The following FBXO34 variants were observed in gnomAD, a reference collection of about 807,000 sequenced individuals.
The protein encoded by FBXO34 is F-box protein 34.
Under a neutral mutation model 24.5 loss-of-function variants are expected in FBXO34, and 12 were observed. The observed-to-expected ratio is 0.49, with a 90% CI of 0.31 to 0.79. The LOEUF is 0.79. FBXO34 is among the 30% of genes least tolerant of loss of function. The probability of loss-of-function intolerance (pLI) is 0.04; values close to 1 mark genes in which losing one functional copy is unlikely to be tolerated. For missense variants in FBXO34, 823 were observed against 857.7 expected (o/e 0.96, Z 0.51); for synonymous variants, 320 against 311.9 (o/e 1.03, Z -0.27).
the FBXO34 span, among the ~76,000 whole-genome samples, chr14:55,376,043 C>G: frequency 0.3 from 45,122 of 152,048 alleles, 7,066 homozygotes; most frequent in Non-Finnish European, 0.34. Context: ...GTTTTTTCTT[C>G]TTTAATCTGT....
the FBXO34 span, chr14:55,411,791 G>T: frequency 6.2e-7 from 1 of 1,600,742 alleles, no homozygotes; most frequent in East Asian, 2.3e-5. Flanking sequence ...AGCCTCCAGC[G>T]CCCGGGCTCC....
chr14:55,273,382 T>G (rs1164728076), intron 1 of FBXO34, among the ~76,000 whole-genome samples: 1 of 152,232 alleles, frequency 6.6e-6, no homozygotes. Flanking sequence ...CTGTACATGT[T>G]ATTTTGATCC....
chr14:55,438,513 C>A, the FBXO34 span, among the ~76,000 whole-genome samples: 8 of 151,376 alleles, frequency 5.3e-5, no homozygotes, highest in Non-Finnish European at 1.0e-4. Flanking sequence ...GGGTCTCCTC[C>A]CGCAATTTAC....
chr14:55,322,501 CA>C (rs1213171613), intron 1 of FBXO34, among the ~76,000 whole-genome samples: 1 of 152,022 alleles, frequency 6.6e-6, no homozygotes, highest in Non-Finnish European at 1.5e-5. Context: ...TTTTAAAAAA[CA>C]ATTTATATAT....
chr14:55,272,118 GTCCGT>G (rs1373355442), intron 1 of FBXO34: 1 of 152,244 alleles, frequency 6.6e-6, no homozygotes, highest in Admixed American at 6.5e-5. Flanking sequence ...AGGGCTGTGG[GTCCGT>G]GTGTCTGTGA....
downstream of FBXO34, among the ~76,000 whole-genome samples, chr14:55,366,205 ATTG>A (rs1357527258): frequency 6.6e-6 from 1 of 152,184 alleles, no homozygotes; most frequent in East Asian, 1.9e-4. Context: ...GGGAAAGATC[ATTG>A]TTAATACCAC....
the FBXO34 span, among the ~76,000 whole-genome samples, chr14:55,379,468 G>A: frequency 6.6e-6 from 1 of 152,034 alleles, no homozygotes; most frequent in African/African-American, 2.4e-5. Context: ...CTTGGGCCTG[G>A]GGAGGGACGG....
At chr14:55,376,886 A>G in the FBXO34 span, among the ~76,000 whole-genome samples, 1 of 152,244 alleles carries the variant, frequency 6.6e-6, no homozygotes, top group African/African-American at 2.4e-5. Flanking sequence ...AGGCTCGTAC[A>G]GTACATGCTT....
the FBXO34 span, among the ~76,000 whole-genome samples, chr14:55,384,840 T>C: frequency 6.6e-6 from 1 of 152,220 alleles, no homozygotes; most frequent in Non-Finnish European, 1.5e-5. Context: ...CCTTCGGTAG[T>C]AGTTTCCAAA....
the FBXO34 span, chr14:55,435,945 AAGTC>A: frequency 6.5e-7 from 1 of 1,529,356 alleles, no homozygotes; most frequent in Non-Finnish European, 8.8e-7. Context: ...CTGAAGAAAT[AAGTC>A]AGTTTAGAAA....
chr14:55,420,490 G>T, the FBXO34 span, among the ~76,000 whole-genome samples: 1 of 151,962 alleles, frequency 6.6e-6, no homozygotes, highest in African/African-American at 2.4e-5. Flanking sequence ...AGTATAGCAT[G>T]AACAGGTAAA....
downstream of FBXO34, chr14:55,369,587 A>G: frequency 6.8e-7 from 1 of 1,460,912 alleles, no homozygotes; most frequent in Non-Finnish European, 9.1e-7. Context: ...AACTTTCTTG[A>G]TGCAGATTTG....
the FBXO34 span, among the ~76,000 whole-genome samples, chr14:55,388,233 T>A: frequency 6.6e-6 from 1 of 152,216 alleles, no homozygotes; most frequent in Non-Finnish European, 1.5e-5. Flanking sequence ...CTTATTTTCA[T>A]TATCTTTACC....
At chr14:55,323,221 ATATATT>A (rs1883218346) in intron 1 of FBXO34, among the ~76,000 whole-genome samples, 1 of 29,960 alleles carries the variant, frequency 3.3e-5, no homozygotes, top group Non-Finnish European at 4.9e-5. Context: ...AAAAAAAAAT[ATATATT>A]TTTTTTTTTT....
the FBXO34 span, among the ~76,000 whole-genome samples, chr14:55,403,187 T>C: frequency 6.6e-6 from 1 of 151,878 alleles, no homozygotes; most frequent in African/African-American, 2.4e-5. Flanking sequence ...AATGCTTACA[T>C]ACTCCTTGGT....
chr14:55,418,580 T>A, the FBXO34 span, among the ~76,000 whole-genome samples: 1 of 152,238 alleles, frequency 6.6e-6, no homozygotes, highest in African/African-American at 2.4e-5. Context: ...GTCGTGTCTC[T>A]GGCCCACTCA....
chr14:55,440,343 C>A, the FBXO34 span: 2 of 1,606,024 alleles, frequency 1.2e-6, no homozygotes, highest in Admixed American at 1.7e-5. Context: ...GCCCTTGGCA[C>A]AGGACCGGGC....
At chr14:55,332,127 C>T (rs1252463771) in intron 1 of FBXO34, among the ~76,000 whole-genome samples, 2 of 148,336 alleles carry the variant, frequency 1.3e-5, no homozygotes, top group African/African-American at 4.9e-5. Context: ...TAATATATAA[C>T]TCATTCTCAC....
the FBXO34 span, among the ~76,000 whole-genome samples, chr14:55,438,556 TCCCTTC>T: frequency 6.8e-4 from 104 of 152,240 alleles, no homozygotes; most frequent in African/African-American, 2.2e-3. Context: ...AGTCAGTGTC[TCCCTTC>T]CCCTTCCCCT....
Sources: gnomAD v4.1 joint callset for allele counts (sites outside exome capture counted in the v4.1 genomes callset) on GRCh38, gnomAD v4.1.1 for gene constraint, MANE v1.5 for transcripts, NCBI Gene and HGNC (gene_info 2026-07-23, HGNC 2026-07-21) for gene names.